ZBTB7C: variants seen among roughly 807,000 people sequenced by gnomAD.
ZBTB7C encodes zinc finger and BTB domain containing 7C.
ZBTB7C carries 8 observed loss-of-function variants against 25.7 expected under a neutral mutation model. The ratio of observed to expected loss-of-function variants is 0.31; its 90% CI spans 0.18 to 0.56. The LOEUF (loss-of-function observed/expected upper bound fraction) is 0.56, where lower values mean the gene tolerates loss of function less well. ZBTB7C is among the 20% of genes least tolerant of loss of function. ZBTB7C has a pLI of 0.91. For missense variants in ZBTB7C, 824 were observed against 855.2 expected, an observed-to-expected ratio of 0.96 and a Z score of 0.46; for synonymous variants, 394 against 369.0, an observed-to-expected ratio of 1.07 and a Z score of -0.78.
chr18:48,256,284 G>C (rs1300950463), intron 2 of ZBTB7C, among the ~76,000 whole-genome samples: 5 of 151,902 alleles, frequency 3.3e-5, no homozygotes, highest in Admixed American at 2.6e-4. Flanking sequence ...TGGAGGGGAA[G>C]ACACATTACA....
At chr18:48,097,661 T>A (rs1013051075) in intron 3 of ZBTB7C, among the ~76,000 whole-genome samples, 18 of 152,182 alleles carry the variant, frequency 1.2e-4, no homozygotes, top group Non-Finnish European at 2.2e-4. Context: ...CCTCCCAAAG[T>A]GCTGGGATTA....
At chr18:48,243,493 A>G (rs535641926) in intron 2 of ZBTB7C, among the ~76,000 whole-genome samples, 4 of 152,140 alleles carry the variant, frequency 2.6e-5, no homozygotes, top group Non-Finnish European at 5.9e-5. Context: ...CTACAAGAAA[A>G]ACTACAAAAC....
chr18:48,412,572 G>A (rs1010790103), upstream of ZBTB7C, among the ~76,000 whole-genome samples: 7 of 152,180 alleles, frequency 4.6e-5, no homozygotes, highest in Non-Finnish European at 8.8e-5. Context: ...AGGAGAAAGA[G>A]GGAAGAGGCT....
At chr18:48,325,175 C>A (rs2046190263) in intron 2 of ZBTB7C, among the ~76,000 whole-genome samples, 1 of 152,124 alleles carries the variant, frequency 6.6e-6, no homozygotes, top group African/African-American at 2.4e-5. Flanking sequence ...ACTTTGAGGA[C>A]CCTGGCTGAC....
chr18:48,307,162 G>C (rs936270225), intron 2 of ZBTB7C, among the ~76,000 whole-genome samples: 2 of 152,218 alleles, frequency 1.3e-5, no homozygotes, highest in Non-Finnish European at 2.9e-5. Context: ...ACTCGACTTG[G>C]GGCAGATTCC....
rs188986836 is a variant in ZBTB7C at position 48,330,863 on chromosome 18, T to C, written c.-79+7311A>G. The stretch of plus-strand genomic sequence containing the variant: ...CTTGGGCCCCCAAAGTCAGATAGCA[T>C]TGAAATCCAAACAAGGTTTATGTGC... On this transcript the variant is annotated intron_variant, in intron 2 of 4. Transcript: ENST00000590800. Among the ~76,000 whole-genome samples, 21 of 152,164 alleles carry C rather than the reference T, an allele frequency of 1.4e-4. No homozygotes were observed. In the East Asian group the frequency reaches 4.1e-3, roughly 29 times the overall value.
chr18:48,226,739 G>A (rs2043105780), intron 2 of ZBTB7C, among the ~76,000 whole-genome samples: 1 of 152,194 alleles, frequency 6.6e-6, no homozygotes, highest in Non-Finnish European at 1.5e-5. Flanking sequence ...TTAGGTATTC[G>A]ACTGGGTGCA....
chr18:48,133,105 G>C (rs542970427), intron 3 of ZBTB7C, among the ~76,000 whole-genome samples: 10 of 152,236 alleles, frequency 6.6e-5, no homozygotes, highest in Non-Finnish European at 1.3e-4. Context: ...AGCTTGCTCC[G>C]GGGTTCCTGG....
chr18:48,348,506 G>A (rs2046791358), intron 1 of ZBTB7C, among the ~76,000 whole-genome samples: 1 of 152,186 alleles, frequency 6.6e-6, no homozygotes, highest in African/African-American at 2.4e-5. Context: ...AGAGGATCCT[G>A]CTATCTCACA....
At chr18:48,288,604 C>T (rs961589051) in intron 2 of ZBTB7C, among the ~76,000 whole-genome samples, 2 of 151,348 alleles carry the variant, frequency 1.3e-5, no homozygotes, top group Admixed American at 6.6e-5. Context: ...TGCAGTGAGC[C>T]GAGATCACAC....
In ZBTB7C at chr18:48,259,260, G is replaced by GAAAAAACTGAAAA. The variant is rs1226802883; in HGVS notation, c.-78-73266_-78-73265insTTTTCAGTTTTTT. 8.5e-4 allele frequency among the ~76,000 whole-genome samples: 107 copies of GAAAAAACTGAAAA among 126,278 alleles called. 3 individuals carry two copies. Among genetic ancestry groups the GAAAAAACTGAAAA allele is most frequent in the East Asian group, 3.5e-3 (12 of 3,436 alleles). 82.8% of individuals were successfully genotyped at this position (126,278 alleles called of 152,430 possible). A position where few individuals can be genotyped will look rare whatever the true frequency, so the allele number is the denominator to read the frequency against. ...CCACTGCACCCAACCACAAACAAAT[G>GAAAAAACTGAAAA]ATTTTTGACAAGAGTGTAAAAGCAA... On this transcript the variant is annotated intron_variant, in intron 2 of 4. Coordinates refer to ENST00000590800, the MANE Select transcript of ZBTB7C (RefSeq NM_001318841.2).
intron 2 of ZBTB7C, among the ~76,000 whole-genome samples, chr18:48,201,204 G>A (rs565935504): frequency 1.3e-5 from 2 of 152,274 alleles, no homozygotes; most frequent in African/African-American, 2.4e-5. Context: ...TTCTTCAGAT[G>A]TTCAGACTGA....
chr18:48,244,109 G>T (rs2043608814), intron 2 of ZBTB7C, among the ~76,000 whole-genome samples: 2 of 152,252 alleles, frequency 1.3e-5, no homozygotes. Context: ...CCAGACATTG[G>T]CTTAGGCACA....
chr18:48,325,665 CT>C (rs1340828841), intron 2 of ZBTB7C, among the ~76,000 whole-genome samples: 1 of 152,196 alleles, frequency 6.6e-6, no homozygotes, highest in African/African-American at 2.4e-5. Context: ...GGGAAAGTGA[CT>C]TTTGATTTGA....
At chr18:48,259,023 C>G (rs960510251) in intron 2 of ZBTB7C, among the ~76,000 whole-genome samples, 2 of 151,956 alleles carry the variant, frequency 1.3e-5, no homozygotes, top group African/African-American at 4.8e-5. Flanking sequence ...GATCTCAGCT[C>G]ACTGCAACCT....
intron 1 of ZBTB7C, among the ~76,000 whole-genome samples, chr18:48,390,149 C>T (rs1409825025): frequency 1.3e-5 from 2 of 152,086 alleles, no homozygotes; most frequent in East Asian, 1.9e-4. Flanking sequence ...TTTTATCTAA[C>T]CACAATAGTA....
intron 1 of ZBTB7C, among the ~76,000 whole-genome samples, chr18:48,398,197 G>A (rs2048072223): frequency 6.6e-6 from 1 of 152,210 alleles, no homozygotes; most frequent in South Asian, 2.1e-4. Flanking sequence ...ACAAGTCCTG[G>A]GATCTGCAGG....
intron 2 of ZBTB7C, among the ~76,000 whole-genome samples, chr18:48,225,613 C>T (rs7228112): frequency 0.98 from 149,099 of 152,284 alleles, 73,068 homozygotes; most frequent in Middle Eastern, 1. Context: ...TGAATATAGA[C>T]TGGCCTTGTG....
At chr18:48,112,842 G>A (rs73956494) in intron 3 of ZBTB7C, among the ~76,000 whole-genome samples, 3 of 152,082 alleles carry the variant, frequency 2.0e-5, no homozygotes, top group Non-Finnish European at 4.4e-5. Context: ...GTGGGATTAC[G>A]TCCCTCTCTT....
Sources: gnomAD v4.1 joint callset for allele counts (sites outside exome capture counted in the v4.1 genomes callset) on GRCh38, gnomAD v4.1.1 for gene constraint, MANE v1.5 for transcripts, NCBI Gene and HGNC (gene_info 2026-07-23, HGNC 2026-07-21) for gene names.